The following EDRF1 variants were observed in gnomAD, a reference collection of about 807,000 sequenced individuals.
EDRF1 encodes erythroid differentiation regulatory factor 1, also known as erythroid differentiation-related factor 1.
In EDRF1, 69 loss-of-function variants were observed where a neutral mutation model predicts 148.7. That is an observed-to-expected ratio of 0.46 (90% CI 0.38 to 0.57). The LOEUF (loss-of-function observed/expected upper bound fraction) is 0.57. EDRF1 is among the 20% of genes least tolerant of loss of function. EDRF1 has a pLI of 0.00. For synonymous variants in EDRF1, 515 were observed against 532.8 expected, an observed-to-expected ratio of 0.97 and a Z score of 0.46; for missense variants, 1,118 against 1,478.7, an observed-to-expected ratio of 0.76 and a Z score of 4.00.
intron 21 of EDRF1, chr10:125,748,628 C>T: frequency 6.3e-6 from 1 of 159,768 alleles, no homozygotes; most frequent in Non-Finnish European, 1.4e-5. Context: ...CTTACAGTCC[C>T]TTTGGCATGA....
chr10:125,760,540 T>C (rs879625379), intron 24 of EDRF1, among the ~76,000 whole-genome samples: 4 of 151,870 alleles, frequency 2.6e-5, no homozygotes, highest in Non-Finnish European at 5.9e-5. Flanking sequence ...GTTAATAAAA[T>C]AAACACTTTG....
rs1458645695 is a variant in EDRF1 at position 125,743,181 on chromosome 10, A to T, written c.2495A>T (p.His832Leu). The T allele has an allele frequency of 1.9e-6, 3 of 1,613,822 alleles. No individual in the cohort carries two copies. Among genetic ancestry groups the T allele is most frequent in the African/African-American group, 2.7e-5 (2 of 74,938 alleles). ...FSDLKSQNPE[H>L]YVQVLKRMGN... ...GACTTGAAAAGCCAAAATCCAGAAC[A>T]CTATGTACAAGTATTAAAGAGAATG... Residue 832 changes from histidine to leucine, a missense_variant, in exon 18 of 25, where the codon CAC (histidine) becomes CTC (leucine). This residue lies in a region of EDRF1 where 954 missense variants were observed against 1,241.4 expected (regional missense o/e 0.77). Coordinates refer to ENST00000356792, the MANE Select transcript of EDRF1 (RefSeq NM_001202438.2).
At chr10:125,732,351 T>G (rs1042257756) in intron 9 of EDRF1, among the ~76,000 whole-genome samples, 11 of 152,138 alleles carry the variant, frequency 7.2e-5, no homozygotes, top group African/African-American at 2.7e-4. Context: ...TTTAGTGAGA[T>G]AAGGATGTTG....
At chr10:125,740,327 G>T in intron 15 of EDRF1, 136 bp from the exon 16 acceptor site, 1 of 916,838 alleles carries the variant, frequency 1.1e-6, no homozygotes, top group Non-Finnish European at 1.7e-6. Flanking sequence ...GTGTATTTAA[G>T]CAGTAAAGCA....
chr10:125,742,379 T>G, intron 17 of EDRF1: 1 of 1,185,674 alleles, frequency 8.4e-7, no homozygotes, highest in Non-Finnish European at 1.1e-6. Context: ...GTTGTTTTAT[T>G]ATGCTCTTAA....
chr10:125,741,404 G>T (rs187065105), intron 17 of EDRF1: 108 of 597,884 alleles, frequency 1.8e-4, no homozygotes, highest in Non-Finnish European at 9.2e-5. Context: ...TGAAACCTCC[G>T]CCTCCCGGGT....
chr10:125,747,349 G>T, intron 19 of EDRF1, 187 bp from the exon 20 acceptor site: 3 of 700,304 alleles, frequency 4.3e-6, no homozygotes, highest in Admixed American at 2.4e-5. Context: ...AGTCTACTCG[G>T]AATAACTTTC....
At chr10:125,734,043 A>C in intron 11 of EDRF1, 29 bp from the exon 12 acceptor site, 1 of 1,539,270 alleles carries the variant, frequency 6.5e-7, no homozygotes, top group Non-Finnish European at 9.0e-7. Context: ...TGAAATGGGC[A>C]GTAAAGTTGA....
At chr10:125,732,602 G>C (rs1564736240) in intron 9 of EDRF1, among the ~76,000 whole-genome samples, 1 of 152,072 alleles carries the variant, frequency 6.6e-6, no homozygotes, top group Admixed American at 6.6e-5. Context: ...AACAAGAATA[G>C]CACAGATTAA....
chr10:125,749,944 C>CA (rs768445673), intron 22 of EDRF1: 10 of 326,552 alleles, frequency 3.1e-5, no homozygotes, highest in Non-Finnish European at 5.9e-5. Context: ...AGTTCTAGAA[C>CA]AACCTGGCCA....
intron 9 of EDRF1, 24 bp downstream of exon 9, chr10:125,730,423 G>C (rs1489389953): frequency 1.3e-6 from 2 of 1,579,916 alleles, no homozygotes; most frequent in African/African-American, 2.7e-5. Context: ...TGATTTTTCT[G>C]ATCTCTCAAA....
intron 13 of EDRF1, among the ~76,000 whole-genome samples, chr10:125,737,524 A>G (rs1848800746): frequency 6.6e-6 from 1 of 152,218 alleles, no homozygotes; most frequent in South Asian, 2.1e-4. Flanking sequence ...GCCCCTACAC[A>G]TAATATCCTT....
rs201426245 is a variant in EDRF1 at position 125,745,876 on chromosome 10, A to G, written c.2760A>G (p.Ala920=). The G allele has an allele frequency of 1.9e-5, 30 of 1,614,256 alleles. No individual in the cohort carries two copies. In the Admixed American group the frequency reaches 4.7e-4, roughly 25 times the overall value. Residue 920 remains alanine (A), a synonymous_variant, in exon 19 of 25, where the codon GCA becomes GCG. Transcript: ENST00000356792. ...TTTGTGCGCAGGCCCACTGTGGTGC[A>G]GGGGATGAACTGAAACGTGAATTTT... ...MRICAQAHCG[A]GDELKREFSP...
At chr10:125,733,602 T>A (rs768360240) in intron 10 of EDRF1, 33 bp from the exon 11 acceptor site, 5 of 1,610,766 alleles carry the variant, frequency 3.1e-6, no homozygotes, top group Non-Finnish European at 3.4e-6. Context: ...GGGTAACTGC[T>A]GTGAAATGAG....
At position 125,723,106 on chromosome 10, in the gene EDRF1, A is replaced by C. The variant is rs1848083859; in HGVS notation, c.356A>C (p.Asn119Thr). The C allele has an allele frequency of 6.2e-7, 1 of 1,613,694 alleles. No homozygotes were observed. The change falls in exon 3 of 25, where the codon AAT becomes ACT. Residue 119 changes from asparagine (N) to threonine (T), a missense_variant. By Grantham distance (65) the Asn-to-Thr change is moderately conservative. Transcript: ENST00000356792. Reference protein sequence around the residue: ...MAYDFIDSVGNDVDVVSDSEN... With the variant: ...MAYDFIDSVGTDVDVVSDSEN... ...TATGACTTTATTGATTCAGTGGGAA[A>C]TGATGTGGATGTTGTCTCTGACTCT...
At chr10:125,736,624 G>A (rs1269278522) in intron 13 of EDRF1, among the ~76,000 whole-genome samples, 1 of 152,070 alleles carries the variant, frequency 6.6e-6, no homozygotes, top group African/African-American at 2.4e-5. Flanking sequence ...TTTTTGAGGG[G>A]CTATGTCTGT....
At chr10:125,758,311 G>A (rs1850016320) in intron 24 of EDRF1, among the ~76,000 whole-genome samples, 2 of 152,166 alleles carry the variant, frequency 1.3e-5, no homozygotes, top group African/African-American at 4.8e-5. Flanking sequence ...CTATGAGATA[G>A]TTCCAACATC....
chr10:125,737,141 A>G (rs947175201), intron 13 of EDRF1, among the ~76,000 whole-genome samples: 2 of 152,204 alleles, frequency 1.3e-5, no homozygotes, highest in Non-Finnish European at 2.9e-5. Flanking sequence ...ATTGATTGCA[A>G]AAGTTACATG....
chr10:125,742,142 A>G, intron 17 of EDRF1: 1 of 1,031,704 alleles, frequency 9.7e-7, no homozygotes. Context: ...TGGGGCTGAA[A>G]TAAAGTGATC....
Sources: allele counts gnomAD v4.1 joint callset (sites outside exome capture counted in the v4.1 genomes callset), GRCh38; gene constraint gnomAD v4.1.1; regional missense constraint gnomAD v4.1.1; transcripts MANE v1.5; gene names NCBI Gene and HGNC (gene_info 2026-07-23, HGNC 2026-07-21).